Variants in SPATA22 observed in about 807,000 individuals in gnomAD.
SPATA22 encodes spermatogenesis associated 22, also known as spermatogenesis-associated protein 22.
SPATA22 carries 29 observed loss-of-function variants against 47.8 expected under a neutral mutation model. The observed-to-expected ratio is 0.61, with a 90% CI of 0.45 to 0.83. The LOEUF (loss-of-function observed/expected upper bound fraction) is 0.83. SPATA22 is among the 40% of genes least tolerant of loss of function. The probability of loss-of-function intolerance (pLI) is 0.00; values close to 1 mark genes in which losing one functional copy is unlikely to be tolerated. For synonymous variants in SPATA22, 133 were observed against 140.9 expected (o/e 0.94, Z 0.40); for missense variants, 410 against 421.7 (o/e 0.97, Z 0.24).
rs540264683 is a variant in SPATA22, at chr17:3,491,697, G to A, written c.-74+21715C>T. On this transcript the variant is annotated intron_variant, in intron 1 of 8. Coordinates refer to the SPATA22 transcript ENST00000541913. ...AAGGAGGCAGAGATTGCAGTGAGCC[G>A]AGTTCATGCCACTGCACTCCAGCCT... is the stretch of plus-strand genomic sequence containing the variant. 4.2e-3 allele frequency among the ~76,000 whole-genome samples: 643 copies of A among 151,956 alleles called. 10 individuals carry two copies. The highest frequency in any genetic ancestry group is 0.014 in the African/African-American group (588 of 41,426).
chr17:3,442,780 T>A, intron 8 of SPATA22, among the ~76,000 whole-genome samples: 1 of 151,956 alleles, frequency 6.6e-6, no homozygotes, highest in African/African-American at 2.4e-5. Flanking sequence ...TCCTTAAAGA[T>A]CTAGGATAAG....
At chr17:3,494,037 ATT>A (rs5818896) in intron 1 of SPATA22, among the ~76,000 whole-genome samples, 6,086 of 137,118 alleles carry the variant, frequency 0.044, 252 homozygotes, top group East Asian at 0.23. Flanking sequence ...CTTTTTCCAG[ATT>A]TTTTTTTTTT....
chr17:3,491,631 C>T (rs1411178367), intron 1 of SPATA22, among the ~76,000 whole-genome samples: 1 of 151,940 alleles, frequency 6.6e-6, no homozygotes, highest in Non-Finnish European at 1.5e-5. Context: ...GCCTATAATT[C>T]CAGCTACTCC....
Position 3,446,527 on chromosome 17 carries a change from G to A in SPATA22, c.747C>T (p.Ser249=). 6.2e-7 allele frequency: 1 copy of A among 1,609,318 alleles called. No homozygotes were observed. The highest frequency in any genetic ancestry group is 1.1e-5 in the South Asian group (1 of 90,062). The change falls in exon 7 of 9, where the codon AGC becomes AGT. Residue 249 remains serine (S), a synonymous_variant. Coordinates refer to ENST00000572969, the MANE Select transcript of SPATA22 (RefSeq NM_001170698.2). Reference sequence around the variant, plus strand: ...GTGCATGTTCACGCCAATACTTCATGCTTTCAATAACTGCAGAAATAATTC... The same window carrying A: ...GTGCATGTTCACGCCAATACTTCATACTTTCAATAACTGCAGAAATAATTC... ...SLRIISAVIE[S]MKYWREHAQK...
chr17:3,491,877 C>T (rs200664739), intron 1 of SPATA22, among the ~76,000 whole-genome samples: 36 of 123,008 alleles, frequency 2.9e-4, no homozygotes, highest in Admixed American at 7.3e-4. Context: ...CTTTTGTTTT[C>T]TTTTTTTTTT....
Position 3,462,779 on chromosome 17 carries a change from T to G in SPATA22, c.173-12A>C. The G allele has an allele frequency of 1.3e-6, 2 of 1,594,736 alleles. No individual in the cohort carries two copies. The highest frequency in any genetic ancestry group is 2.2e-5 in the South Asian group (2 of 90,666). On this transcript the variant is annotated splice_polypyrimidine_tract_variant and intron_variant, in intron 3 of 8. Transcript: ENST00000572969. Reference sequence around the variant, plus strand: ...TTCCCAGGCCCAATCTCAAAAGATATAAGTAACATAGATAAAAGTAAGATA... The same window carrying G: ...TTCCCAGGCCCAATCTCAAAAGATAGAAGTAACATAGATAAAAGTAAGATA...
intron 2 of SPATA22, among the ~76,000 whole-genome samples, chr17:3,468,042 A>T (rs2073353038): frequency 6.6e-6 from 1 of 152,114 alleles, no homozygotes; most frequent in Non-Finnish European, 1.5e-5. Flanking sequence ...CAGTTCCTAG[A>T]CTCCACTCTC....
At chr17:3,481,691 T>C in intron 1 of SPATA22, 1 of 1,613,854 alleles carries the variant, frequency 6.2e-7, no homozygotes, top group Non-Finnish European at 8.5e-7. Flanking sequence ...TGAAGATTCC[T>C]ATGACATTAT....
rs879105763 is a variant in SPATA22 at position 3,467,592 on chromosome 17, CAAAT to C, written c.44-42_44-39del. 3.2e-6 allele frequency: 5 copies of C among 1,548,640 alleles called. No individual in the cohort carries two copies. The African/African-American group carries it at 4.1e-5, about 13-fold the overall frequency. ...TACCAATAAATTAGTACATAATAGA[CAAAT>C]AAGCAGATCTAGTTGTAAAATAATT... On this transcript the variant is annotated intron_variant, in intron 2 of 8. Transcript: ENST00000572969.
chr17:3,498,749 T>C, intron 1 of SPATA22: 2 of 772,624 alleles, frequency 2.6e-6, no homozygotes, highest in Non-Finnish European at 3.8e-6. Context: ...GTCAGATCAC[T>C]TGCCTGCATC....
At chr17:3,471,320 G>A in intron 1 of SPATA22, 1 of 616,968 alleles carries the variant, frequency 1.6e-6, no homozygotes, top group Non-Finnish European at 2.0e-6. Context: ...GGCTTACGAG[G>A]GCTATTATGT....
rs59930743 is a variant in SPATA22 at position 3,490,310 on chromosome 17, T to C, written c.-73-20912A>G. Among the ~76,000 whole-genome samples the C allele has an allele frequency of 0.22, 34,054 of 152,026 alleles. 4,137 individuals carry two copies. The highest frequency in any genetic ancestry group is 0.31 in the African/African-American group (12,953 of 41,446). On this transcript the variant is annotated intron_variant, in intron 1 of 8. Transcript: ENST00000541913. The surrounding 1 kb of genome is among the most constrained non-coding windows in gnomAD (Gnocchi z 4.6). ...TGGGTATATGCAGCTCTATGCACTA[T>C]CTGCTCATTTATTTGGTAAATCTAA...
At position 3,443,225 on chromosome 17, in the gene SPATA22, A is replaced by T; in HGVS notation, c.849T>A (p.Thr283=). ...AVTPGPYYSK[T]FLMRDGKNTL... ...TATTTTTCCCATCCCTCATAAGAAA[A>T]GTCTTCGAATAATATGGGCCAGGTG... is the stretch of plus-strand genomic sequence containing the variant. Residue 283 remains threonine (T), a synonymous_variant, in exon 8 of 9, where the codon ACT becomes ACA. Transcript: ENST00000572969. 6.2e-7 allele frequency: 1 copy of T among 1,611,094 alleles called. No individual in the cohort carries two copies. The highest frequency in any genetic ancestry group is 8.5e-7 in the Non-Finnish European group (1 of 1,178,288).
intron 1 of SPATA22, among the ~76,000 whole-genome samples, chr17:3,482,829 G>A (rs1442032268): frequency 8.3e-6 from 1 of 120,120 alleles, no homozygotes; most frequent in Non-Finnish European, 2.2e-5. Context: ...TAGGGTACAT[G>A]TGCACCATGT....
At chr17:3,496,605 A>G (rs2150761411) in intron 1 of SPATA22, among the ~76,000 whole-genome samples, 1 of 152,252 alleles carries the variant, frequency 6.6e-6, no homozygotes. Context: ...ACAGTTCAGG[A>G]CCCGGTTATG....
intron 1 of SPATA22, 87 bp downstream of exon 1, chr17:3,471,595 G>T (rs2073436722): frequency 8.1e-6 from 8 of 985,164 alleles, no homozygotes; most frequent in Non-Finnish European, 8.4e-6. Flanking sequence ...CGGTGGGAGA[G>T]AAGAGGCTCC....
chr17:3,443,403 G>T (rs1381935645), intron 7 of SPATA22, 132 bp from the exon 8 acceptor site: 3 of 550,678 alleles, frequency 5.4e-6, no homozygotes, highest in Non-Finnish European at 9.2e-6. Flanking sequence ...CAATAAAGAA[G>T]ACATTTTAAG....
chr17:3,452,517 G>A (rs944815857), intron 5 of SPATA22, among the ~76,000 whole-genome samples: 1 of 151,956 alleles, frequency 6.6e-6, no homozygotes, highest in Non-Finnish European at 1.5e-5. Context: ...GCTTGAACCC[G>A]AGAGTGGAGG....
At chr17:3,459,561 A>G (rs772566526) in intron 5 of SPATA22, among the ~76,000 whole-genome samples, 13 of 152,046 alleles carry the variant, frequency 8.6e-5, no homozygotes, top group Non-Finnish European at 1.8e-4. Context: ...ATGCGCCACC[A>G]CGCCTGGCTA....
Sources: allele counts gnomAD v4.1 joint callset (sites outside exome capture counted in the v4.1 genomes callset), GRCh38; gene constraint gnomAD v4.1.1; non-coding constraint Gnocchi (gnomAD v3.1); transcripts MANE v1.5; gene names NCBI Gene and HGNC (gene_info 2026-07-23, HGNC 2026-07-21).